The following SYTL2 variants were observed in gnomAD, a reference collection of about 807,000 sequenced individuals.
The protein encoded by SYTL2 is synaptotagmin-like protein 2.
Under a neutral mutation model 198.7 loss-of-function variants are expected in SYTL2, and 165 were observed. That is an observed-to-expected ratio of 0.83 (90% CI 0.73 to 0.94). SYTL2 has a LOEUF of 0.94. Among genes scored for constraint, SYTL2 ranks in the 40% least tolerant of loss-of-function variants. SYTL2 has a pLI of 0.00. For missense variants in SYTL2, 2,835 were observed against 2,582.8 expected, an observed-to-expected ratio of 1.10 and a Z score of -2.12; for synonymous variants, 966 against 917.7, an observed-to-expected ratio of 1.05 and a Z score of -0.95.
chr11:85,765,307 G>C (rs539319048), intron 1 of SYTL2, among the ~76,000 whole-genome samples: 1 of 152,086 alleles, frequency 6.6e-6, no homozygotes, highest in Non-Finnish European at 1.5e-5. Context: ...CGTGATCTCC[G>C]CTCACTGCAA....
At chr11:85,787,183 T>G (rs1265793381) in intron 1 of SYTL2, among the ~76,000 whole-genome samples, 1 of 152,210 alleles carries the variant, frequency 6.6e-6, no homozygotes, top group African/African-American at 2.4e-5. Flanking sequence ...TGTGTGTTCT[T>G]GTGCCAGCTT....
the SYTL2 span, among the ~76,000 whole-genome samples, chr11:85,841,235 G>C: frequency 1.8e-4 from 28 of 152,214 alleles, no homozygotes; most frequent in African/African-American, 6.5e-4. Context: ...GTATACACTA[G>C]TTCAACCATT....
rs765948881 is a variant in SYTL2, at chr11:85,724,152, A to G, written c.5206T>C (p.Leu1736=). The G allele has an allele frequency of 6.2e-7, 1 of 1,604,136 alleles. No homozygotes were observed. The change falls in exon 8 of 20, where the codon TTG becomes CTG. Residue 1736 remains leucine, a synonymous_variant. Coordinates refer to ENST00000359152, the MANE Select transcript of SYTL2 (RefSeq NM_206927.4). The part of the protein sequence containing the change: ...ENSTKTSKVE[L]TLASPYMKQE... Reference sequence around the variant, plus strand: ...TTCATATATGGCGATGCTAGAGTCAATTCAACTTTACTTGTTTTTGTAGAG... The same window carrying G: ...TTCATATATGGCGATGCTAGAGTCAGTTCAACTTTACTTGTTTTTGTAGAG...
chr11:85,700,487 T>C (rs1198800187), intron 17 of SYTL2, 28 bp downstream of exon 17: 4 of 1,564,294 alleles, frequency 2.6e-6, no homozygotes, highest in East Asian at 2.2e-5. Context: ...GGAAAGGACA[T>C]AAATCTGAAT....
the SYTL2 span, among the ~76,000 whole-genome samples, chr11:85,849,750 G>A: frequency 1.3e-5 from 2 of 148,724 alleles, no homozygotes; most frequent in East Asian, 3.9e-4. Context: ...TTTTGGCTTA[G>A]GATTGACTTG....
intron 1 of SYTL2, among the ~76,000 whole-genome samples, chr11:85,804,802 G>A (rs1452855238): frequency 2.6e-5 from 4 of 152,120 alleles, no homozygotes; most frequent in Admixed American, 6.5e-5. Flanking sequence ...CTACCTCTAG[G>A]TGCCATAACA....
chr11:85,709,494 C>T lies in SYTL2; in HGVS notation c.5752G>A (p.Gly1918Ser), dbSNP rs747517357. ...CCACTATAAACACTCATCACACTGC[C>T]ACTCACCTGAAAGCATCAGAAATAC... is the stretch of plus-strand genomic sequence containing the variant. ...SGMTSLSSVSGSVMSVYSGDF... is the reference protein window; with the variant it reads ...SGMTSLSSVSSSVMSVYSGDF... The change falls in exon 14 of 20, where the codon GGC becomes AGC. Residue 1918 changes from glycine (G) to serine (S), a missense_variant. Physicochemically the swap from Gly to Ser is moderately conservative, Grantham distance 56. This residue lies in a region of SYTL2 where 2,645 missense variants were observed against 2,381.7 expected (regional missense o/e 1.11). Coordinates refer to ENST00000359152, the MANE Select transcript of SYTL2 (RefSeq NM_206927.4). The T allele has an allele frequency of 2.5e-6, 4 of 1,613,614 alleles. No individual in the cohort carries two copies. The highest frequency in any genetic ancestry group is 2.5e-6 in the Non-Finnish European group (3 of 1,179,936).
chr11:85,700,728 T>G (rs779266346), intron 16 of SYTL2, 135 bp from the exon 17 acceptor site: 1 of 669,104 alleles, frequency 1.5e-6, no homozygotes, highest in Admixed American at 2.6e-5. Context: ...GATTAAAATT[T>G]CTCTCTGCAT....
Position 85,792,776 on chromosome 11 carries a change from C to G in SYTL2, c.-390+18178G>C, listed in dbSNP as rs186775602. ...TAGATCTCCTAAAGCTATCCCTCCC[C>G]GCTCCCCACACCCCACAACAGTCCC... On this transcript the variant is annotated intron_variant, in intron 1 of 19. Coordinates refer to ENST00000359152, the MANE Select transcript of SYTL2 (RefSeq NM_206927.4). Among the ~76,000 whole-genome samples, 198 of 151,138 alleles carry G rather than the reference C, an allele frequency of 1.3e-3. 4 individuals carry two copies. The South Asian group carries it at 0.04, about 30-fold the overall frequency.
At chr11:85,817,359 G>T in the SYTL2 span, among the ~76,000 whole-genome samples, 2 of 152,132 alleles carry the variant, frequency 1.3e-5, no homozygotes, top group South Asian at 2.1e-4. Flanking sequence ...CAGCCCCCTG[G>T]GGCTAGTGAC....
the SYTL2 span, among the ~76,000 whole-genome samples, chr11:85,817,068 A>G: frequency 1.3e-5 from 2 of 152,326 alleles, no homozygotes; most frequent in Non-Finnish European, 2.9e-5. Context: ...CTACTGCAGA[A>G]GAGAAAACAG....
chr11:85,703,947 G>A (rs930286361), intron 16 of SYTL2, among the ~76,000 whole-genome samples: 2 of 152,058 alleles, frequency 1.3e-5, no homozygotes, highest in East Asian at 3.9e-4. Flanking sequence ...AATAAACTAT[G>A]ACTGACATAT....
chr11:85,696,400 G>C lies in SYTL2; in HGVS notation c.6369-12C>G. On this transcript the variant is annotated splice_polypyrimidine_tract_variant and intron_variant, in intron 18 of 19. Transcript: ENST00000359152. ...CTGGAAGGATGGTACTACAAAAAGA[G>C]GCATGATTGTGGGAGCATTTTAGTA... The C allele has an allele frequency of 6.2e-7, 1 of 1,608,968 alleles. No individual in the cohort carries two copies. The highest frequency in any genetic ancestry group is 8.5e-7 in the Non-Finnish European group (1 of 1,175,422).
In SYTL2 at chr11:85,727,368, G is replaced by A. The variant is rs763447594; in HGVS notation, c.1990C>T (p.Pro664Ser). Residue 664 changes from proline (P) to serine (S), a missense_variant, in exon 8 of 20, where the codon CCT (proline) becomes TCT (serine). By Grantham distance (74) the Pro-to-Ser change is moderately conservative (BLOSUM62 -1). Transcript: ENST00000359152. ...CTGTAGGAATAGTTACTATTTGAAG[G>A]AGATGCCCCATTCCCTTTTCCTGGG... ...KSPGKGNGAS[P>S]SNSNYSYSVL... is the part of the protein sequence containing the mutation. 6.5e-7 allele frequency: 1 copy of A among 1,536,244 alleles called. No homozygotes were observed. Among genetic ancestry groups the A allele is most frequent in the South Asian group, 1.2e-5 (1 of 84,058 alleles).
At chr11:85,826,998 A>T in the SYTL2 span, among the ~76,000 whole-genome samples, 3 of 152,192 alleles carry the variant, frequency 2.0e-5, no homozygotes, top group Admixed American at 2.0e-4. Flanking sequence ...CCTCCTTAGG[A>T]GATAATAAGC....
rs1392858961 is a variant in SYTL2, at chr11:85,720,945, GTTC to G, written c.5338_5340del (p.Glu1780del). The G allele has an allele frequency of 4.3e-6, 7 of 1,611,146 alleles. No individual in the cohort carries two copies. The highest frequency in any genetic ancestry group is 5.9e-6 in the Non-Finnish European group (7 of 1,178,276). On this transcript the variant is annotated inframe_deletion, in exon 9 of 20. Transcript: ENST00000359152. ...TCCAAAGTTTTCAAAACAGGACTGG[GTTC>G]TTCTTCTGAACCTGTTATAAAACAA...
intron 1 of SYTL2, among the ~76,000 whole-genome samples, chr11:85,787,476 C>A (rs1249670750): frequency 4.6e-5 from 7 of 152,086 alleles, no homozygotes; most frequent in African/African-American, 1.7e-4. Context: ...TCAAACTTTG[C>A]TTACATTTCC....
intron 1 of SYTL2, among the ~76,000 whole-genome samples, chr11:85,797,294 A>G (rs1039861980): frequency 5.3e-5 from 8 of 152,336 alleles, no homozygotes; most frequent in South Asian, 2.1e-4. Flanking sequence ...AAACATTTTG[A>G]AAACTGTAAA....
intron 1 of SYTL2, among the ~76,000 whole-genome samples, chr11:85,803,944 T>C (rs182787964): frequency 2.0e-4 from 31 of 152,358 alleles, no homozygotes; most frequent in African/African-American, 7.0e-4. Flanking sequence ...CTGTTTATTA[T>C]GTTGTTGTTA....
Sources: gnomAD v4.1 joint callset for allele counts (sites outside exome capture counted in the v4.1 genomes callset) on GRCh38, gnomAD v4.1.1 for gene constraint, gnomAD v4.1.1 regional missense constraint, MANE v1.5 for transcripts, NCBI Gene and HGNC (gene_info 2026-07-23, HGNC 2026-07-21) for gene names.